CADM2: variants seen among roughly 807,000 people sequenced by gnomAD.
The protein encoded by CADM2 is cell adhesion molecule 2.
In CADM2, 12 loss-of-function variants were observed where a neutral mutation model predicts 49.8. That is an observed-to-expected ratio of 0.24 (90% CI 0.15 to 0.39). The LOEUF is 0.39. Ranked by LOEUF, CADM2 falls within the 10% of genes least tolerant of loss-of-function variation. CADM2 has a pLI of 1.00. For missense variants in CADM2, 378 were observed against 492.3 expected (o/e 0.77, Z 2.20); for synonymous variants, 214 against 175.4 (o/e 1.22, Z -1.74).
chr3:85,621,437 T>G (rs2107490225), intron 1 of CADM2, among the ~76,000 whole-genome samples: 1 of 152,310 alleles, frequency 6.6e-6, no homozygotes. Flanking sequence ...AAGTATTCTA[T>G]CTGCTAAAAG....
chr3:85,089,677 T>C (rs1405689975), intron 1 of CADM2, among the ~76,000 whole-genome samples: 1 of 152,152 alleles, frequency 6.6e-6, no homozygotes, highest in Non-Finnish European at 1.5e-5. Context: ...TTTTTTGTCT[T>C]AATTAGAGTA....
intron 1 of CADM2, among the ~76,000 whole-genome samples, chr3:85,335,373 T>C (rs2045051773): frequency 6.6e-6 from 1 of 151,572 alleles, no homozygotes; most frequent in Admixed American, 6.6e-5. Flanking sequence ...TCCTTGATAC[T>C]AACCAGACCT....
intron 1 of CADM2, among the ~76,000 whole-genome samples, chr3:85,415,978 A>T (rs563392778): frequency 1.3e-5 from 2 of 152,142 alleles, no homozygotes; most frequent in Non-Finnish European, 2.9e-5. Context: ...AGTAATGCCA[A>T]TGCAATTTAG....
chr3:85,563,311 G>A (rs2062151364), intron 1 of CADM2, among the ~76,000 whole-genome samples: 1 of 149,990 alleles, frequency 6.7e-6, no homozygotes, highest in African/African-American at 2.4e-5. Context: ...GAATTTGATA[G>A]TAAATCACTT....
At chr3:85,494,679 G>T (rs530196006) in intron 1 of CADM2, among the ~76,000 whole-genome samples, 1 of 152,210 alleles carries the variant, frequency 6.6e-6, no homozygotes, top group South Asian at 2.1e-4. Context: ...TTCCATTGAG[G>T]ACTATATTGA....
Position 84,984,603 on chromosome 3 carries a change from G to GA in CADM2, c.61+24947dup, listed in dbSNP as rs537715116. Among the ~76,000 whole-genome samples the GA allele has an allele frequency of 8.3e-4, 109 of 130,708 alleles. 1 individual carries two copies. Among genetic ancestry groups the GA allele is most frequent in the South Asian group, 1.2e-3 (5 of 4,080 alleles). 85.7% of individuals were successfully genotyped at this position (130,708 alleles called of 152,430 possible). ...TCCAGCTTTATATTCCTTAAAAAAA[G>GA]AAAAAAAAAAAAGGTCAGGTTACTT... is the stretch of plus-strand genomic sequence containing the variant. On this transcript the variant is annotated intron_variant, in intron 1 of 9. Coordinates refer to ENST00000383699, the MANE Select transcript of CADM2 (RefSeq NM_001167675.2).
chr3:85,579,761 T>C (rs2062741367), intron 1 of CADM2, among the ~76,000 whole-genome samples: 2 of 152,120 alleles, frequency 1.3e-5, no homozygotes, highest in Admixed American at 1.3e-4. Flanking sequence ...TACAGGTCTC[T>C]AATTCATATA....
At chr3:86,013,193 A>G (rs111766601) in intron 8 of CADM2, 12 of 1,376,594 alleles carry the variant, frequency 8.7e-6, no homozygotes, top group African/African-American at 4.3e-5. Context: ...CTGAAACAGA[A>G]AAACATTGAT....
chr3:85,842,535 C>G (rs2074685050), intron 3 of CADM2, among the ~76,000 whole-genome samples: 1 of 152,096 alleles, frequency 6.6e-6, no homozygotes, highest in Non-Finnish European at 1.5e-5. Flanking sequence ...TGTCCACAGT[C>G]TCTTAAATTC....
chr3:85,540,338 G>A lies in CADM2; in HGVS notation c.62-186184G>A, dbSNP rs367563454. ...AGTATTTTGACTTTTTTAGGTACTG[G>A]GCTCTATTTTAGAGCCTTGTGGAAC... is the stretch of plus-strand genomic sequence containing the variant. On this transcript the variant is annotated intron_variant, in intron 1 of 9. Coordinates refer to ENST00000383699, the MANE Select transcript of CADM2 (RefSeq NM_001167675.2). Among the ~76,000 whole-genome samples, 25 of 151,890 alleles carry A rather than the reference G, an allele frequency of 1.6e-4. 1 individual carries two copies. In the East Asian group the frequency reaches 4.3e-3, roughly 26 times the overall value.
At chr3:85,468,479 A>G (rs1268233830) in intron 1 of CADM2, among the ~76,000 whole-genome samples, 1 of 152,134 alleles carries the variant, frequency 6.6e-6, no homozygotes, top group African/African-American at 2.4e-5. Context: ...ACCATCAAAT[A>G]ATCACCTTAC....
intron 1 of CADM2, among the ~76,000 whole-genome samples, chr3:85,544,445 C>G (rs1013761322): frequency 2.6e-5 from 4 of 152,106 alleles, no homozygotes; most frequent in Non-Finnish European, 5.9e-5. Context: ...GGCGCTGTGG[C>G]GGACGCCTGT....
chr3:85,900,674 T>C (rs1457491726), intron 5 of CADM2, among the ~76,000 whole-genome samples: 2 of 152,204 alleles, frequency 1.3e-5, no homozygotes, highest in South Asian at 2.1e-4. Flanking sequence ...CTTAATCTTC[T>C]AGCACTCATA....
rs1187468550 is a variant in CADM2, at chr3:85,705,044, T to TA, written c.62-21478_62-21477insA. 4.7e-4 allele frequency among the ~76,000 whole-genome samples: 70 copies of TA among 149,732 alleles called. No individual in the cohort carries two copies. In the Middle Eastern group the frequency reaches 0.014, roughly 30 times the overall value. ...TGGCTAAATTTTTTTTTTTTTTTTT[T>TA]TTAAATAGAGACGGGGTTTTGCCTG... is the stretch of plus-strand genomic sequence containing the variant. On this transcript the variant is annotated intron_variant, in intron 1 of 9. Coordinates refer to ENST00000383699, the MANE Select transcript of CADM2 (RefSeq NM_001167675.2).
At chr3:85,073,341 G>A (rs1464725245) in intron 1 of CADM2, among the ~76,000 whole-genome samples, 4 of 151,962 alleles carry the variant, frequency 2.6e-5, no homozygotes, top group Admixed American at 6.6e-5. Context: ...AATAATAATT[G>A]GAAGACAATA....
intron 1 of CADM2, among the ~76,000 whole-genome samples, chr3:85,510,838 G>A (rs908169113): frequency 1.3e-5 from 2 of 151,662 alleles, no homozygotes; most frequent in Non-Finnish European, 2.9e-5. Context: ...TGTATTAAAA[G>A]GATAAATATA....
At chr3:85,228,910 A>T (rs988614538) in intron 1 of CADM2, among the ~76,000 whole-genome samples, 1 of 152,132 alleles carries the variant, frequency 6.6e-6, no homozygotes, top group Non-Finnish European at 1.5e-5. Context: ...AGTCTGCCGA[A>T]GCTTTGCCCA....
At chr3:85,936,293 T>A (rs982094809) in intron 7 of CADM2, among the ~76,000 whole-genome samples, 1 of 151,866 alleles carries the variant, frequency 6.6e-6, no homozygotes, top group Non-Finnish European at 1.5e-5. Context: ...ATATTTCTTA[T>A]GAAACACCCA....
intron 6 of CADM2, among the ~76,000 whole-genome samples, chr3:85,913,068 T>G: frequency 6.6e-6 from 1 of 152,166 alleles, no homozygotes; most frequent in East Asian, 1.9e-4. Context: ...TTTGTGAATC[T>G]AATAGATCGG....
Sources: allele counts gnomAD v4.1 joint callset (sites outside exome capture counted in the v4.1 genomes callset), GRCh38; gene constraint gnomAD v4.1.1; transcripts MANE v1.5; gene names NCBI Gene and HGNC (gene_info 2026-07-23, HGNC 2026-07-21).